FAM13A: variants seen among roughly 807,000 people sequenced by gnomAD.
FAM13A encodes protein FAM13A.
A neutral mutation model predicts 129.6 loss-of-function variants in FAM13A; 76 were observed. That is an observed-to-expected ratio of 0.59 (90% confidence interval 0.49 to 0.71). The LOEUF (loss-of-function observed/expected upper bound fraction) is 0.71. FAM13A is among the 30% of genes least tolerant of loss of function. The pLI, the probability that FAM13A is intolerant of heterozygous loss-of-function variation, is 0.00. For synonymous variants in FAM13A, 443 were observed against 449.9 expected, an observed-to-expected ratio of 0.98 and a Z score of 0.20; for missense variants, 1,108 against 1,249.3, an observed-to-expected ratio of 0.89 and a Z score of 1.70.
intron 7 of FAM13A, among the ~76,000 whole-genome samples, chr4:88,835,254 T>C (rs187505310): frequency 9.2e-5 from 14 of 152,284 alleles, no homozygotes; most frequent in Admixed American, 7.8e-4. Flanking sequence ...TGGAATATCC[T>C]CCCTAGCTCA....
intron 7 of FAM13A, among the ~76,000 whole-genome samples, chr4:88,841,266 T>C (rs1169451312): frequency 1.3e-5 from 2 of 152,094 alleles, no homozygotes; most frequent in African/African-American, 4.8e-5. Context: ...GAGGCCTAGC[T>C]GGGCCAATCA....
At chr4:88,921,644 T>G (rs182551552) in intron 5 of FAM13A, among the ~76,000 whole-genome samples, 1 of 152,226 alleles carries the variant, frequency 6.6e-6, no homozygotes, top group Admixed American at 6.5e-5. Flanking sequence ...CTGCATCAAC[T>G]AACGAGCAAA....
At chr4:88,860,565 T>C (rs1349089202) in intron 6 of FAM13A, among the ~76,000 whole-genome samples, 2 of 152,218 alleles carry the variant, frequency 1.3e-5, no homozygotes, top group South Asian at 2.1e-4. Flanking sequence ...GGATGTTGCA[T>C]TGAAAGGTTC....
At position 88,740,130 on chromosome 4, in the gene FAM13A, ACCCTGCCATGGCTT is replaced by A. The variant is rs1397822675; in HGVS notation, c.2467-1019_2467-1006del. Among the ~76,000 whole-genome samples, 9 of 152,036 alleles carry A rather than the reference ACCCTGCCATGGCTT, an allele frequency of 5.9e-5. No individual in the cohort carries two copies. The East Asian group carries it at 1.7e-3, about 29-fold the overall frequency. On this transcript the variant is annotated intron_variant, in intron 19 of 23. Coordinates refer to ENST00000264344, the MANE Select transcript of FAM13A (RefSeq NM_014883.4). ...TCAACCCTCTTGTCCAATTCCCTCT[ACCCTGCCATGGCTT>A]CCTCTTTGCTCTTTTGTTTGGCAAA...
intron 2 of FAM13A, among the ~76,000 whole-genome samples, chr4:89,023,749 A>T (rs1272427192): frequency 6.6e-6 from 1 of 152,212 alleles, no homozygotes; most frequent in South Asian, 2.1e-4. Flanking sequence ...TCAACTAGGG[A>T]AAGTTTATAA....
At chr4:88,887,372 C>G (rs1744592577) in intron 6 of FAM13A, among the ~76,000 whole-genome samples, 1 of 152,050 alleles carries the variant, frequency 6.6e-6, no homozygotes, top group African/African-American at 2.4e-5. Context: ...ACTGAGATAA[C>G]TAAATATTCC....
At position 88,942,780 on chromosome 4, in the gene FAM13A, C is replaced by T. The variant is rs548112546; in HGVS notation, c.606-4539G>A. The stretch of plus-strand genomic sequence containing the variant: ...ACTAACTCTCCGAATTGCCTATTTT[C>T]TTTGAAAAAAATAGTCTCCTTACAA... On this transcript the variant is annotated intron_variant, in intron 4 of 23. Coordinates refer to ENST00000264344, the MANE Select transcript of FAM13A (RefSeq NM_014883.4). Among the ~76,000 whole-genome samples, 999 of 152,108 alleles carry T rather than the reference C, an allele frequency of 6.6e-3. 15 individuals are homozygous for T. Among genetic ancestry groups the T allele is most frequent in the African/African-American group, 0.023 (955 of 41,486 alleles).
At chr4:89,045,348 AT>A (rs1389080929) in intron 1 of FAM13A, among the ~76,000 whole-genome samples, 2 of 152,282 alleles carry the variant, frequency 1.3e-5, no homozygotes, top group East Asian at 3.9e-4. Context: ...ATAATGAAAC[AT>A]TTTTAGAAAT....
At chr4:88,759,495 T>C (rs1744376389) in intron 13 of FAM13A, 1 of 152,176 alleles carries the variant, frequency 6.6e-6, no homozygotes, top group Non-Finnish European at 1.5e-5. Context: ...GCTCTGGGTA[T>C]TAAAGCATTG....
chr4:88,971,989 C>T (rs1158827165), intron 4 of FAM13A, among the ~76,000 whole-genome samples: 1 of 152,134 alleles, frequency 6.6e-6, no homozygotes, highest in East Asian at 1.9e-4. Flanking sequence ...TATTTCTTTG[C>T]TGCTTGTATC....
chr4:88,825,436 C>T (rs1175988960), intron 7 of FAM13A, among the ~76,000 whole-genome samples: 4 of 152,040 alleles, frequency 2.6e-5, no homozygotes, highest in African/African-American at 4.8e-5. Flanking sequence ...AGGCTGGTCT[C>T]GAACTCCTGA....
Position 88,728,332 on chromosome 4 carries a change from C to T in FAM13A, c.*201G>A. The T allele has an allele frequency of 1.6e-6, 1 of 624,110 alleles. No homozygotes were observed. Among genetic ancestry groups the T allele is most frequent in the Non-Finnish European group, 2.8e-6 (1 of 361,200 alleles). 38.7% of individuals were successfully genotyped at this position (624,110 alleles called of 1,614,324 possible). A position where few individuals can be genotyped will look rare whatever the true frequency, so the allele number is the denominator to read the frequency against. On this transcript the variant is annotated 3_prime_UTR_variant, in exon 24 of 24. Coordinates refer to ENST00000264344, the MANE Select transcript of FAM13A (RefSeq NM_014883.4). ...GTCTTGACTTTCCAATTACAAAATG[C>T]CTAAGTCAGGTCACATTGTCTTCTT...
At chr4:88,795,798 T>C (rs941718955) in intron 8 of FAM13A, among the ~76,000 whole-genome samples, 1 of 151,888 alleles carries the variant, frequency 6.6e-6, no homozygotes, top group African/African-American at 2.4e-5. Context: ...CAAATTTATA[T>C]AATGCAGAAA....
In FAM13A at chr4:88,727,060, T is replaced by TTTTC. The variant is rs1736605485; in HGVS notation, c.*1469_*1472dup. ...ACGGGTCAGTATAGTTTTACATTCT[T>TTTTC]TTTCTTTTCCTTAAAACTGTGCCCT... On this transcript the variant is annotated 3_prime_UTR_variant, in exon 24 of 24. Transcript: ENST00000264344. 1 of 152,228 alleles carries TTTTC rather than the reference T, an allele frequency of 6.6e-6. No homozygotes were observed. The highest frequency in any genetic ancestry group is 6.5e-5 in the Admixed American group (1 of 15,288). 9.4% of individuals were successfully genotyped at this position (152,228 alleles called of 1,614,324 possible). A position where few individuals can be genotyped will look rare whatever the true frequency, so the allele number is the denominator to read the frequency against.
Position 88,757,336 on chromosome 4 carries a change from G to C in FAM13A, c.1726+1418C>G, listed in dbSNP as rs565004446. ...CCAAAAATCCTAGTTTTTATCTAGA[G>C]CTTTAGGGTAGACCATATCACTAAG... On this transcript the variant is annotated intron_variant, in intron 14 of 23. Transcript: ENST00000264344. Among the ~76,000 whole-genome samples, 8 of 152,226 alleles carry C rather than the reference G, an allele frequency of 5.3e-5. No homozygotes were observed. In the South Asian group the frequency reaches 1.7e-3, roughly 32 times the overall value.
chr4:88,874,265 A>G (rs1741975496), intron 6 of FAM13A, among the ~76,000 whole-genome samples: 2 of 152,194 alleles, frequency 1.3e-5, no homozygotes, highest in Admixed American at 6.5e-5. Context: ...CTCCTATTCA[A>G]TATAGGGTTG....
intron 13 of FAM13A, among the ~76,000 whole-genome samples, chr4:88,762,645 G>A (rs1333929145): frequency 1.3e-5 from 2 of 151,956 alleles, no homozygotes; most frequent in African/African-American, 4.8e-5. Flanking sequence ...AAGTTCTTTA[G>A]GCTCCATAAA....
At position 88,805,000 on chromosome 4, in the gene FAM13A, C is replaced by T. The variant is rs759888439; in HGVS notation, c.1049+11G>A. On this transcript the variant is annotated intron_variant, in intron 8 of 23. Coordinates refer to ENST00000264344, the MANE Select transcript of FAM13A (RefSeq NM_014883.4). ...TTCCCTGTAGTAGACCAACAAAAAT[C>T]AAATAAATACCTCAAATAGAAAGGT... 5 of 1,530,156 alleles carry T rather than the reference C, an allele frequency of 3.3e-6. No homozygotes were observed. Among genetic ancestry groups the T allele is most frequent in the Non-Finnish European group, 4.5e-6 (5 of 1,107,214 alleles). 94.8% of individuals were successfully genotyped at this position (1,530,156 alleles called of 1,614,324 possible). A position where few individuals can be genotyped will look rare whatever the true frequency, so the allele number is the denominator to read the frequency against.
chr4:88,922,065 C>A (rs1751195718), intron 5 of FAM13A, among the ~76,000 whole-genome samples: 1 of 151,664 alleles, frequency 6.6e-6, no homozygotes, highest in Admixed American at 6.6e-5. Flanking sequence ...TCCTCAGTGA[C>A]CTACAAAGAG....
Sources: gnomAD v4.1 joint callset for allele counts (sites outside exome capture counted in the v4.1 genomes callset) on GRCh38, gnomAD v4.1.1 for gene constraint, MANE v1.5 for transcripts, NCBI Gene and HGNC (gene_info 2026-07-23, HGNC 2026-07-21) for gene names.